LRRIQ3: variants seen among roughly 807,000 people sequenced by gnomAD.
LRRIQ3 encodes leucine-rich repeat and IQ domain-containing protein 3.
LRRIQ3 carries 75 observed loss-of-function variants against 59.3 expected under a neutral mutation model. The observed-to-expected ratio is 1.26, with a 90% CI of 1.05 to 1.53. The LOEUF (loss-of-function observed/expected upper bound fraction) is 1.53. Ranked by LOEUF, LRRIQ3 falls within the 40% of genes most tolerant of loss-of-function variation. The pLI is 0.00. For missense variants in LRRIQ3, 831 were observed against 710.0 expected, an observed-to-expected ratio of 1.17 and a Z score of -1.94; for synonymous variants, 250 against 231.3, an observed-to-expected ratio of 1.08 and a Z score of -0.73.
intron 4 of LRRIQ3, among the ~76,000 whole-genome samples, chr1:74,115,060 TGAAA>T (rs1646760018): frequency 6.6e-6 from 1 of 152,042 alleles, no homozygotes; most frequent in African/African-American, 2.4e-5. Context: ...TTATAATGTC[TGAAA>T]GAAAGTAAAC....
chr1:74,086,387 T>C (rs891552126), intron 5 of LRRIQ3, among the ~76,000 whole-genome samples: 5 of 152,146 alleles, frequency 3.3e-5, no homozygotes, highest in Non-Finnish European at 7.4e-5. Flanking sequence ...ATTTCAATGT[T>C]GCTAAATGCT....
At chr1:74,190,058 A>C (rs1650659695) in intron 1 of LRRIQ3, among the ~76,000 whole-genome samples, 1 of 152,146 alleles carries the variant, frequency 6.6e-6, no homozygotes, top group South Asian at 2.1e-4. Context: ...AACACATTAG[A>C]AAGCTGAACA....
intron 7 of LRRIQ3, among the ~76,000 whole-genome samples, chr1:74,032,475 C>A (rs1181463692): frequency 2.0e-5 from 3 of 152,002 alleles, no homozygotes; most frequent in African/African-American, 7.2e-5. Flanking sequence ...CTTGGGTCCT[C>A]ATCCAGATCA....
At chr1:74,028,617 T>C (rs1468293148) in intron 7 of LRRIQ3, among the ~76,000 whole-genome samples, 4 of 152,072 alleles carry the variant, frequency 2.6e-5, no homozygotes, top group Non-Finnish European at 2.9e-5. Context: ...TGAAGGCTTA[T>C]AGTTAAGAGT....
chr1:74,042,078 ATTT>A, intron 6 of LRRIQ3, 145 bp from the exon 7 acceptor site: 1 of 740,728 alleles, frequency 1.4e-6, no homozygotes, highest in Non-Finnish European at 2.0e-6. Flanking sequence ...TCAACTTGTG[ATTT>A]AATAGTAACT....
intron 4 of LRRIQ3, chr1:74,144,549 TAAAAAAA>T: frequency 4.3e-5 from 6 of 139,688 alleles, no homozygotes; most frequent in Admixed American, 1.8e-4. Context: ...TAACAGTCTG[TAAAAAAA>T]AAAAAAAAAA....
chr1:74,087,381 C>CTT (rs57068994), intron 5 of LRRIQ3, among the ~76,000 whole-genome samples: 1 of 59,006 alleles, frequency 1.7e-5, no homozygotes, highest in African/African-American at 7.2e-5. Flanking sequence ...AAAATTTTAT[C>CTT]TTTTTTTTTT....
chr1:74,050,808 T>C (rs1008376993), intron 6 of LRRIQ3, among the ~76,000 whole-genome samples: 12 of 152,214 alleles, frequency 7.9e-5, no homozygotes, highest in African/African-American at 2.7e-4. Context: ...TGTCACGTAC[T>C]GAGTTCTTCC....
In LRRIQ3 at chr1:74,148,369, G is replaced by C. The variant is rs1399203281; in HGVS notation, c.707+7364C>G. 2.0e-5 allele frequency among the ~76,000 whole-genome samples: 3 copies of C among 152,258 alleles called. No homozygotes were observed. In the South Asian group the frequency reaches 6.2e-4, roughly 32 times the overall value. On this transcript the variant is annotated intron_variant, in intron 4 of 7. Coordinates refer to ENST00000354431, the MANE Select transcript of LRRIQ3 (RefSeq NM_001105659.2). The stretch of plus-strand genomic sequence containing the variant: ...GTGCCTGAGGCTGCAGTTGCTGGTA[G>C]AGGCTGTAGCAAGACTTTGCTGGTG...
intron 6 of LRRIQ3, among the ~76,000 whole-genome samples, chr1:74,043,028 A>C (rs1654094409): frequency 6.6e-6 from 1 of 152,122 alleles, no homozygotes. Context: ...CAGAAATCAA[A>C]AGTAATTATG....
intron 6 of LRRIQ3, among the ~76,000 whole-genome samples, chr1:74,051,957 T>A (rs1452245329): frequency 6.6e-6 from 1 of 152,090 alleles, no homozygotes; most frequent in African/African-American, 2.4e-5. Flanking sequence ...ACTGGGCAAG[T>A]TTGACTTAGG....
intron 3 of LRRIQ3, among the ~76,000 whole-genome samples, chr1:74,175,439 A>G (rs989005962): frequency 6.6e-6 from 1 of 152,066 alleles, no homozygotes; most frequent in Non-Finnish European, 1.5e-5. Flanking sequence ...CTCAGGCAAC[A>G]CCCTGAAATG....
intron 4 of LRRIQ3, among the ~76,000 whole-genome samples, chr1:74,123,902 C>G (rs1443383316): frequency 6.6e-6 from 1 of 151,780 alleles, no homozygotes; most frequent in African/African-American, 2.4e-5. Flanking sequence ...TAGTGGTTGT[C>G]CTAATCTACA....
intron 6 of LRRIQ3, among the ~76,000 whole-genome samples, chr1:74,046,773 T>C (rs1654216719): frequency 6.6e-6 from 1 of 151,854 alleles, no homozygotes; most frequent in East Asian, 1.9e-4. Context: ...AACAAACCCA[T>C]CAAAAAGTGG....
chr1:74,088,006 T>C (rs977031590), intron 5 of LRRIQ3, among the ~76,000 whole-genome samples: 2 of 151,944 alleles, frequency 1.3e-5, no homozygotes, highest in Non-Finnish European at 2.9e-5. Context: ...GGCAGAAGAA[T>C]TGCTTGAACC....
chr1:74,118,181 A>G lies in LRRIQ3; in HGVS notation c.708-8628T>C, dbSNP rs1229843507. On this transcript the variant is annotated intron_variant, in intron 4 of 7. Transcript: ENST00000354431. ...TACACATTTTTAAAATTGTATACAC[A>G]CACACACACAATTATCAATCATTAC... Among the ~76,000 whole-genome samples the G allele has an allele frequency of 3.3e-5, 5 of 152,272 alleles. No individual in the cohort carries two copies. In the East Asian group the frequency reaches 7.7e-4, roughly 24 times the overall value.
In LRRIQ3 at chr1:74,197,702, C is replaced by T. The variant is rs1651295656; in HGVS notation, c.-1+294G>A. The stretch of plus-strand genomic sequence containing the variant: ...GAAAAAACAGAGGGGTGGGGTGGCT[C>T]ACTCTCTAGGAACCACAAACTTAAG... On this transcript the variant is annotated intron_variant, in intron 1 of 7. Transcript: ENST00000354431. 2.0e-5 allele frequency among the ~76,000 whole-genome samples: 3 copies of T among 152,246 alleles called. No homozygotes were observed. The South Asian group carries it at 6.2e-4, about 32-fold the overall frequency.
chr1:74,175,925 A>C (rs918931227), intron 3 of LRRIQ3, among the ~76,000 whole-genome samples: 2 of 152,180 alleles, frequency 1.3e-5, no homozygotes, highest in East Asian at 1.9e-4. Flanking sequence ...ACTCCTGTTT[A>C]TAATTCTTAA....
intron 5 of LRRIQ3, chr1:74,084,332 G>A: frequency 9.4e-7 from 1 of 1,067,380 alleles, no homozygotes; most frequent in Non-Finnish European, 1.3e-6. Flanking sequence ...AGGACAGTGA[G>A]CTCAAGATTT....
Sources: gnomAD v4.1 joint callset for allele counts (sites outside exome capture counted in the v4.1 genomes callset) on GRCh38, gnomAD v4.1.1 for gene constraint, MANE v1.5 for transcripts, NCBI Gene and HGNC (gene_info 2026-07-23, HGNC 2026-07-21) for gene names.